FBN2: variants seen among roughly 807,000 people sequenced by gnomAD.
FBN2 encodes fibrillin-2.
A neutral mutation model predicts 355.6 loss-of-function variants in FBN2; 105 were observed. The ratio of observed to expected loss-of-function variants is 0.30; its 90% CI spans 0.25 to 0.35. FBN2 has a LOEUF of 0.35. Ranked by LOEUF, FBN2 falls within the 10% of genes least tolerant of loss-of-function variation. The probability of loss-of-function intolerance (pLI) is 1.00; values close to 1 mark genes in which losing one functional copy is unlikely to be tolerated. For synonymous variants in FBN2, 1,350 were observed against 1,301.2 expected (o/e 1.04, Z -0.81); for missense variants, 3,280 against 3,758.7 (o/e 0.87, Z 3.33).
At chr5:128,364,805 T>C (rs1278704797) in intron 17 of FBN2, 80 bp from the exon 18 acceptor site, 2 of 1,204,020 alleles carry the variant, frequency 1.7e-6, no homozygotes, top group East Asian at 2.4e-5. Context: ...GTAAAGACCA[T>C]TCAACATATG....
chr5:128,529,233 T>G (rs1399129843), intron 3 of FBN2, among the ~76,000 whole-genome samples: 1 of 152,108 alleles, frequency 6.6e-6, no homozygotes, highest in South Asian at 2.1e-4. Flanking sequence ...TGGTAGTCAT[T>G]GAAAACATGA....
At chr5:128,433,168 G>C (rs1753669752) in intron 7 of FBN2, among the ~76,000 whole-genome samples, 2 of 152,044 alleles carry the variant, frequency 1.3e-5, no homozygotes, top group African/African-American at 4.8e-5. Context: ...TTAGGGGTTT[G>C]CTCCAATTTA....
intron 5 of FBN2, among the ~76,000 whole-genome samples, chr5:128,477,423 A>C (rs913332218): frequency 1.3e-5 from 2 of 152,328 alleles, no homozygotes; most frequent in East Asian, 1.9e-4. Flanking sequence ...TAAAATTCAA[A>C]GGCATCCTGG....
chr5:128,424,451 ATT>A (rs1007089721), intron 7 of FBN2, among the ~76,000 whole-genome samples: 2 of 152,146 alleles, frequency 1.3e-5, no homozygotes, highest in African/African-American at 4.8e-5. Context: ...AGGGAAGGAT[ATT>A]TTTTAGAATG....
chr5:128,264,526 A>C (rs1235766866), intron 62 of FBN2, among the ~76,000 whole-genome samples: 3 of 152,236 alleles, frequency 2.0e-5, no homozygotes, highest in African/African-American at 7.2e-5. Context: ...TTTTTACAAA[A>C]TCAAAGTCTG....
At chr5:128,428,388 T>C (rs1243863103) in intron 7 of FBN2, among the ~76,000 whole-genome samples, 1 of 152,158 alleles carries the variant, frequency 6.6e-6, no homozygotes, top group Non-Finnish European at 1.5e-5. Flanking sequence ...GGACTACATC[T>C]CTAAACCCAT....
intron 25 of FBN2, among the ~76,000 whole-genome samples, chr5:128,340,804 T>TTTCTCTCTCTCTCC (rs1561779314): frequency 1.3e-5 from 2 of 151,664 alleles, no homozygotes; most frequent in East Asian, 3.9e-4. Context: ...GTGCTCTCTC[T>TTTCTCTCTCTCTCC]TTCTCTCTCT....
At chr5:128,471,404 C>T (rs1474476241) in intron 5 of FBN2, among the ~76,000 whole-genome samples, 2 of 152,092 alleles carry the variant, frequency 1.3e-5, no homozygotes, top group African/African-American at 2.4e-5. Flanking sequence ...TGGATGTCTG[C>T]AGCTCCAGAC....
In FBN2 at chr5:128,291,629, G is replaced by T; in HGVS notation, c.6192C>A (p.Pro2064=). Residue 2064 remains proline, a synonymous_variant, in exon 49 of 65, where the codon CCC becomes CCA. Transcript: ENST00000262464. The part of the protein sequence containing the change: ...CIDINECDED[P]NICLFGSCTN... ...TACAGGAACCAAAAAGACAAATGTT[G>T]GGATCTTCATCACATTCATTTATAT... The T allele has an allele frequency of 6.2e-7, 1 of 1,613,432 alleles. No individual in the cohort carries two copies. The highest frequency in any genetic ancestry group is 2.2e-5 in the East Asian group (1 of 44,858).
intron 7 of FBN2, among the ~76,000 whole-genome samples, chr5:128,435,898 G>T (rs528220886): frequency 2.6e-5 from 4 of 152,126 alleles, no homozygotes; most frequent in Non-Finnish European, 4.4e-5. Context: ...CAGATTTCAT[G>T]TTTATGACAA....
chr5:128,408,749 A>G lies in FBN2; in HGVS notation c.1003T>C (p.Ser335Pro). The change falls in exon 8 of 65, where the codon TCC becomes CCC. Residue 335 changes from serine to proline, a missense_variant. This residue lies in a region of FBN2 where 343 missense variants were observed against 331.0 expected (regional missense o/e 1.04). Transcript: ENST00000262464. ...IPGICETGECSNTVGSYFCVC... is the reference protein window; with the variant it reads ...IPGICETGECPNTVGSYFCVC... ...CAAAAATAGCTTCCCACGGTGTTGG[A>G]ACATTCACCAGTTTCACATATCCCA... 1.2e-6 allele frequency: 2 copies of G among 1,614,010 alleles called. No individual in the cohort carries two copies. Among genetic ancestry groups the G allele is most frequent in the Non-Finnish European group, 1.7e-6 (2 of 1,179,898 alleles).
chr5:128,467,205 G>A (rs1754737564), intron 5 of FBN2, among the ~76,000 whole-genome samples: 1 of 152,024 alleles, frequency 6.6e-6, no homozygotes, highest in African/African-American at 2.4e-5. Context: ...GGAATATCTG[G>A]ACAAGGACAG....
At chr5:128,396,225 G>A (rs756133177) in intron 8 of FBN2, among the ~76,000 whole-genome samples, 5 of 152,180 alleles carry the variant, frequency 3.3e-5, no homozygotes, top group African/African-American at 1.2e-4. Context: ...TGGGGATGGC[G>A]AGGGAAGAAA....
chr5:128,330,912 T>C (rs1215057339), intron 32 of FBN2, among the ~76,000 whole-genome samples: 1 of 152,214 alleles, frequency 6.6e-6, no homozygotes, highest in Non-Finnish European at 1.5e-5. Context: ...TTGTGAGATA[T>C]CTAGTCAACG....
rs1752117686 is a variant in FBN2, at chr5:128,377,751, C to A, written c.1849+1G>T. On this transcript the variant is annotated splice_donor_variant, in intron 13 of 64. Coordinates refer to ENST00000262464, the MANE Select transcript of FBN2 (RefSeq NM_001999.4). LOFTEE classifies it high-confidence loss of function. ...TGCAAGGGAGCAGGCAATTTCCATA[C>A]CAACACAGTTTTTTCCATCTGTAGT... 1 of 1,613,398 alleles carries A rather than the reference C, an allele frequency of 6.2e-7. No homozygotes were observed. The highest frequency in any genetic ancestry group is 1.7e-4 in the Middle Eastern group (1 of 6,054).
At chr5:128,532,835 T>C (rs1288053194) in intron 2 of FBN2, among the ~76,000 whole-genome samples, 3 of 152,138 alleles carry the variant, frequency 2.0e-5, no homozygotes, top group South Asian at 2.1e-4. Flanking sequence ...CACTTGAGCC[T>C]AGAAGTTGGA....
chr5:128,278,500 C>G (rs2126809312), intron 57 of FBN2, 135 bp downstream of exon 57: 1 of 755,936 alleles, frequency 1.3e-6, no homozygotes, highest in African/African-American at 1.7e-5. Flanking sequence ...AAACACACAT[C>G]AAATATAAAT....
intron 5 of FBN2, among the ~76,000 whole-genome samples, chr5:128,492,693 C>T (rs538389004): frequency 3.8e-4 from 57 of 150,488 alleles, no homozygotes; most frequent in Non-Finnish European, 7.4e-4. Flanking sequence ...ATCCCAGCTA[C>T]TCGGGAGGCT....
At chr5:128,281,363 T>C (rs1158923881) in intron 55 of FBN2, among the ~76,000 whole-genome samples, 1 of 152,348 alleles carries the variant, frequency 6.6e-6, no homozygotes, top group East Asian at 1.9e-4. Flanking sequence ...CTTCTTTCAA[T>C]TCTTACAGTG....
Sources: allele counts gnomAD v4.1 joint callset (sites outside exome capture counted in the v4.1 genomes callset), GRCh38; gene constraint gnomAD v4.1.1; regional missense constraint gnomAD v4.1.1; transcripts MANE v1.5; gene names NCBI Gene and HGNC (gene_info 2026-07-23, HGNC 2026-07-21).